The following BRINP2 variants were observed in gnomAD, a reference collection of about 807,000 sequenced individuals.
BRINP2 encodes the protein BMP/retinoic acid inducible neural specific 2, also known as BMP/retinoic acid-inducible neural-specific protein 2.
In BRINP2, 21 loss-of-function variants were observed where a neutral mutation model predicts 69.2. The ratio of observed to expected loss-of-function variants is 0.30; its 90% CI spans 0.22 to 0.44. BRINP2 has a LOEUF of 0.44. BRINP2 is among the 20% of genes least tolerant of loss of function. BRINP2 has a pLI of 1.00. For missense variants in BRINP2, 877 were observed against 986.0 expected (o/e 0.89, Z 1.48); for synonymous variants, 380 against 394.1 (o/e 0.96, Z 0.42).
chr1:177,220,441 A>G (rs1398847461), intron 1 of BRINP2, among the ~76,000 whole-genome samples: 2 of 150,588 alleles, frequency 1.3e-5, no homozygotes, highest in Non-Finnish European at 3.0e-5. Flanking sequence ...TACCTCCCCC[A>G]CCTCTCTCTC....
At chr1:177,279,274 A>T (rs1409224371) in intron 7 of BRINP2, among the ~76,000 whole-genome samples, 1 of 152,208 alleles carries the variant, frequency 6.6e-6, no homozygotes, top group Non-Finnish European at 1.5e-5. Context: ...TTATTTATTT[A>T]ACAAGTTTTT....
chr1:177,256,781 G>A (rs1418987556), intron 3 of BRINP2: 1 of 1,118,376 alleles, frequency 8.9e-7, no homozygotes, highest in Admixed American at 4.2e-5. Flanking sequence ...AGTGTTTGAT[G>A]GGGAGGAGGG....
intron 1 of BRINP2, among the ~76,000 whole-genome samples, chr1:177,219,920 G>T (rs575246190): frequency 5.9e-5 from 9 of 152,368 alleles, no homozygotes; most frequent in Non-Finnish European, 1.0e-4. Flanking sequence ...ACAGAAGCCA[G>T]TCTGCTGGGA....
In BRINP2 at chr1:177,219,523, C is replaced by T. The variant is rs536243273; in HGVS notation, c.-76-10278C>T. On this transcript the variant is annotated intron_variant, in intron 1 of 7. Transcript: ENST00000361539. ...TTTAATTCCACAAGCTGTCAGGCAA[C>T]TCATATATTTACAAACACAATCCTG... Among the ~76,000 whole-genome samples the T allele has an allele frequency of 5.9e-4, 90 of 152,334 alleles. 1 individual carries two copies. Among genetic ancestry groups the T allele is most frequent in the African/African-American group, 2.0e-3 (83 of 41,568 alleles).
chr1:177,267,133 T>C lies in BRINP2; in HGVS notation c.670-6355T>C, dbSNP rs1470455860. On this transcript the variant is annotated intron_variant, in intron 4 of 7. Coordinates refer to ENST00000361539, the MANE Select transcript of BRINP2 (RefSeq NM_021165.4). ...TGCAAGTACATATAAGCATGCTTAG[T>C]TGAAAGAAACAGAGATCTACTCAAG... Among the ~76,000 whole-genome samples, 6 of 150,578 alleles carry C rather than the reference T, an allele frequency of 4.0e-5. No homozygotes were observed. In the South Asian group the frequency reaches 1.3e-3, roughly 32 times the overall value.
chr1:177,246,735 C>G (rs553172549), intron 2 of BRINP2, among the ~76,000 whole-genome samples: 1 of 152,330 alleles, frequency 6.6e-6, no homozygotes, highest in South Asian at 2.1e-4. Context: ...AGACTTCCCC[C>G]CAATCTCTCA....
chr1:177,228,449 G>A (rs1649766168), intron 1 of BRINP2, among the ~76,000 whole-genome samples: 1 of 152,196 alleles, frequency 6.6e-6, no homozygotes, highest in Admixed American at 6.5e-5. Context: ...ACTGGAGCCA[G>A]CCCAGAGTGC....
At chr1:177,214,920 A>G (rs1012560438) in intron 1 of BRINP2, among the ~76,000 whole-genome samples, 8 of 152,322 alleles carry the variant, frequency 5.3e-5, no homozygotes, top group African/African-American at 1.9e-4. Flanking sequence ...AGAATACTTG[A>G]GATTTACTCT....
chr1:177,273,186 C>T (rs1380832890), intron 4 of BRINP2, among the ~76,000 whole-genome samples: 1 of 152,100 alleles, frequency 6.6e-6, no homozygotes, highest in African/African-American at 2.4e-5. Context: ...GTGACTAGAG[C>T]TTAAGGTTTC....
intron 1 of BRINP2, among the ~76,000 whole-genome samples, chr1:177,209,757 CA>C (rs199957440): frequency 1.4e-5 from 2 of 143,512 alleles, no homozygotes; most frequent in Non-Finnish European, 3.1e-5. Flanking sequence ...TTATAGATAA[CA>C]AAAAAAAAGA....
chr1:177,239,126 T>C (rs1650119920), intron 2 of BRINP2, among the ~76,000 whole-genome samples: 1 of 152,210 alleles, frequency 6.6e-6, no homozygotes, highest in Non-Finnish European at 1.5e-5. Context: ...GGGCTCTTTG[T>C]CCTTCTTTCT....
chr1:177,273,420 G>A, intron 4 of BRINP2, 68 bp from the exon 5 acceptor site: 1 of 1,027,600 alleles, frequency 9.7e-7, no homozygotes, highest in Non-Finnish European at 1.5e-6. Context: ...GGAGCAGCTG[G>A]AGAAGGGAAG....
In BRINP2 at chr1:177,195,867, A is replaced by G. The variant is rs562320217; in HGVS notation, c.-77+24135A>G. On this transcript the variant is annotated intron_variant, in intron 1 of 7. Transcript: ENST00000361539. The stretch of plus-strand genomic sequence containing the variant: ...TGATAACAGATAGGCCAAGAGCAAA[A>G]AAACCTGGCACATGGCATTTTGCTG... Among the ~76,000 whole-genome samples, 10 of 152,238 alleles carry G rather than the reference A, an allele frequency of 6.6e-5. No individual in the cohort carries two copies. In the East Asian group the frequency reaches 1.9e-3, roughly 30 times the overall value.
chr1:177,243,391 G>A (rs945044812), intron 2 of BRINP2, among the ~76,000 whole-genome samples: 1 of 152,054 alleles, frequency 6.6e-6, no homozygotes, highest in Non-Finnish European at 1.5e-5. Context: ...TGTAGAGCAC[G>A]ACTCACACAC....
At chr1:177,242,040 C>T (rs980682801) in intron 2 of BRINP2, among the ~76,000 whole-genome samples, 2 of 152,200 alleles carry the variant, frequency 1.3e-5, no homozygotes, top group Non-Finnish European at 2.9e-5. Flanking sequence ...TCCTAATACA[C>T]TTGTATCTGC....
chr1:177,279,988 G>C (rs1450564502), intron 7 of BRINP2, among the ~76,000 whole-genome samples: 4 of 152,130 alleles, frequency 2.6e-5, no homozygotes, highest in Non-Finnish European at 1.5e-5. Context: ...GGAGTGAGAG[G>C]AGCAGAGAGA....
At chr1:177,226,971 G>A (rs966404428) in intron 1 of BRINP2, among the ~76,000 whole-genome samples, 4 of 152,092 alleles carry the variant, frequency 2.6e-5, no homozygotes, top group Non-Finnish European at 5.9e-5. Context: ...GTTCCACCCC[G>A]GGTATTGCTC....
At chr1:177,176,499 T>C (rs1014199619) in intron 1 of BRINP2, among the ~76,000 whole-genome samples, 2 of 148,836 alleles carry the variant, frequency 1.3e-5, no homozygotes, top group African/African-American at 2.4e-5. Context: ...GTTAAAATTA[T>C]GTAAGTGGCT....
chr1:177,250,012 C>T (rs1650530141), intron 2 of BRINP2, among the ~76,000 whole-genome samples: 1 of 152,192 alleles, frequency 6.6e-6, no homozygotes, highest in Admixed American at 6.5e-5. Context: ...CCTAATGTTT[C>T]TTTTTTGAGA....
Sources: allele counts gnomAD v4.1 joint callset (sites outside exome capture counted in the v4.1 genomes callset), GRCh38; gene constraint gnomAD v4.1.1; transcripts MANE v1.5; gene names NCBI Gene and HGNC (gene_info 2026-07-23, HGNC 2026-07-21).